KCND2: variants seen among roughly 807,000 people sequenced by gnomAD.
KCND2 encodes the protein A-type voltage-gated potassium channel KCND2.
In KCND2, 16 loss-of-function variants were observed where a neutral mutation model predicts 54.4. The observed-to-expected ratio is 0.29, with a 90% confidence interval of 0.20 to 0.45. The LOEUF (loss-of-function observed/expected upper bound fraction) is 0.45, where lower values mean the gene tolerates loss of function less well. Ranked by LOEUF, KCND2 falls within the 20% of genes least tolerant of loss-of-function variation. The pLI, the probability that KCND2 is intolerant of heterozygous loss-of-function variation, is 1.00. For synonymous variants in KCND2, 317 were observed against 310.7 expected (o/e 1.02, Z -0.21); for missense variants, 486 against 824.2 (o/e 0.59, Z 5.02).
intron 1 of KCND2, among the ~76,000 whole-genome samples, chr7:120,300,534 A>G (rs1180789512): frequency 6.6e-6 from 1 of 152,158 alleles, no homozygotes; most frequent in Non-Finnish European, 1.5e-5. Context: ...TGTTTAAAAT[A>G]TATAGTGAAC....
intron 1 of KCND2, among the ~76,000 whole-genome samples, chr7:120,368,868 A>G (rs1019562429): frequency 6.6e-6 from 1 of 152,108 alleles, no homozygotes; most frequent in Non-Finnish European, 1.5e-5. Context: ...AGTGAGGAGA[A>G]GTTAAACCAC....
intron 1 of KCND2, among the ~76,000 whole-genome samples, chr7:120,660,074 T>C (rs1385435786): frequency 2.6e-5 from 4 of 152,178 alleles, no homozygotes; most frequent in African/African-American, 7.2e-5. Context: ...AATATATTTG[T>C]TACAAGAAAT....
At chr7:120,688,551 C>A (rs1172221028) in intron 1 of KCND2, among the ~76,000 whole-genome samples, 1 of 152,160 alleles carries the variant, frequency 6.6e-6, no homozygotes, top group Non-Finnish European at 1.5e-5. Context: ...GACCTGACAT[C>A]GCACAGATAA....
intron 1 of KCND2, among the ~76,000 whole-genome samples, chr7:120,373,841 G>A (rs1800799607): frequency 1.3e-5 from 2 of 151,758 alleles, no homozygotes; most frequent in South Asian, 4.1e-4. Flanking sequence ...AATTAAGACA[G>A]TACCATTCAA....
chr7:120,649,591 T>C (rs1194356229), intron 1 of KCND2, among the ~76,000 whole-genome samples: 8 of 152,198 alleles, frequency 5.3e-5, no homozygotes, highest in African/African-American at 1.9e-4. Flanking sequence ...ATATCCTTCG[T>C]CCACTTTTTG....
Position 120,623,854 on chromosome 7 carries a change from G to A in KCND2, c.1116-109049G>A, listed in dbSNP as rs145795913. Among the ~76,000 whole-genome samples, 614 of 152,250 alleles carry A rather than the reference G, an allele frequency of 4.0e-3. 2 individuals are homozygous for A. The highest frequency in any genetic ancestry group is 0.014 in the African/African-American group (574 of 41,556). ...GTGGAGGGAAAGCAATTCTAGATGT[G>A]TAGAAGAATTTGAGCCAAACTGTGG... is the stretch of plus-strand genomic sequence containing the variant. On this transcript the variant is annotated intron_variant, in intron 1 of 5. Coordinates refer to ENST00000331113, the MANE Select transcript of KCND2 (RefSeq NM_012281.3).
chr7:120,401,269 C>A (rs990154403), intron 1 of KCND2, among the ~76,000 whole-genome samples: 1 of 152,074 alleles, frequency 6.6e-6, no homozygotes, highest in Non-Finnish European at 1.5e-5. Context: ...AGTGTGACAT[C>A]TAATCTCAAG....
intron 1 of KCND2, among the ~76,000 whole-genome samples, chr7:120,641,754 C>CTTTTTTTTTT (rs5886998): frequency 7.7e-6 from 1 of 129,908 alleles, no homozygotes; most frequent in Non-Finnish European, 1.6e-5. Context: ...CAAGCATATT[C>CTTTTTTTTTT]TTTTTTTTTT....
At position 120,571,676 on chromosome 7, in the gene KCND2, C is replaced by G. The variant is rs1231987230; in HGVS notation, c.1116-161227C>G. On this transcript the variant is annotated intron_variant, in intron 1 of 5. Transcript: ENST00000331113. ...TGTCTTCTCTTTAAAAACCGCATAA[C>G]TCTTTCTTAATGAAGCATCTTCCAC... Among the ~76,000 whole-genome samples, 3 of 152,210 alleles carry G rather than the reference C, an allele frequency of 2.0e-5. No individual in the cohort carries two copies. The East Asian group carries it at 5.8e-4, about 29-fold the overall frequency.
intron 1 of KCND2, among the ~76,000 whole-genome samples, chr7:120,671,765 T>A (rs1319787632): frequency 6.6e-6 from 1 of 152,018 alleles, no homozygotes; most frequent in Non-Finnish European, 1.5e-5. Flanking sequence ...TTTTGCCAGT[T>A]TTTTCTGCCC....
intron 1 of KCND2, among the ~76,000 whole-genome samples, chr7:120,597,422 A>G (rs1194222244): frequency 6.6e-6 from 1 of 152,218 alleles, no homozygotes; most frequent in Non-Finnish European, 1.5e-5. Context: ...CATGGATTCA[A>G]TAAATTAGTC....
chr7:120,701,852 A>T (rs770230038), intron 1 of KCND2, among the ~76,000 whole-genome samples: 3 of 152,164 alleles, frequency 2.0e-5, no homozygotes, highest in Non-Finnish European at 4.4e-5. Context: ...AACTCTCAAA[A>T]CCCTGGAAGA....
At chr7:120,449,767 G>C (rs1802075043) in intron 1 of KCND2, among the ~76,000 whole-genome samples, 1 of 152,196 alleles carries the variant, frequency 6.6e-6, no homozygotes, top group Non-Finnish European at 1.5e-5. Flanking sequence ...TACAGTGCCT[G>C]ACTACCTATG....
chr7:120,488,833 A>G (rs996072450), intron 1 of KCND2, among the ~76,000 whole-genome samples: 1 of 152,104 alleles, frequency 6.6e-6, no homozygotes, highest in Non-Finnish European at 1.5e-5. Context: ...CACATCAATT[A>G]TGACTTAATT....
chr7:120,718,583 C>T (rs1036423379), intron 1 of KCND2, among the ~76,000 whole-genome samples: 2 of 152,072 alleles, frequency 1.3e-5, no homozygotes, highest in Admixed American at 6.6e-5. Flanking sequence ...GAGGCAGTGC[C>T]GTTCTGCAAA....
chr7:120,414,545 G>A (rs539947066), intron 1 of KCND2, among the ~76,000 whole-genome samples: 129 of 152,128 alleles, frequency 8.5e-4, no homozygotes, highest in Non-Finnish European at 1.6e-3. Context: ...ATCACATTTT[G>A]ATCTTATCTC....
At chr7:120,641,677 C>T (rs1793377230) in intron 1 of KCND2, among the ~76,000 whole-genome samples, 1 of 151,392 alleles carries the variant, frequency 6.6e-6, no homozygotes, top group African/African-American at 2.4e-5. Context: ...AGCATTATTA[C>T]ATCACTGAAT....
At chr7:120,430,586 T>A (rs1801774564) in intron 1 of KCND2, among the ~76,000 whole-genome samples, 1 of 152,172 alleles carries the variant, frequency 6.6e-6, no homozygotes, top group African/African-American at 2.4e-5. Flanking sequence ...AGATTTCATG[T>A]TGAAATCAAC....
chr7:120,488,821 G>A (rs557193958), intron 1 of KCND2, among the ~76,000 whole-genome samples: 7 of 151,630 alleles, frequency 4.6e-5, no homozygotes, highest in South Asian at 4.2e-4. Context: ...TGGAAAAACC[G>A]ACACATCAAT....
Sources: gnomAD v4.1 joint callset for allele counts (sites outside exome capture counted in the v4.1 genomes callset) on GRCh38, gnomAD v4.1.1 for gene constraint, MANE v1.5 for transcripts, NCBI Gene and HGNC (gene_info 2026-07-23, HGNC 2026-07-21) for gene names.